CSMD1: variants seen among roughly 807,000 people sequenced by gnomAD.
The protein encoded by CSMD1 is CUB and sushi domain-containing protein 1.
A neutral mutation model predicts 417.5 loss-of-function variants in CSMD1; 213 were observed. The observed-to-expected ratio is 0.51, with a 90% confidence interval of 0.46 to 0.57. The LOEUF (loss-of-function observed/expected upper bound fraction) is 0.57, where lower values mean the gene tolerates loss of function less well. Among genes scored for constraint, CSMD1 ranks in the 20% least tolerant of loss-of-function variants. The pLI, the probability that CSMD1 is intolerant of heterozygous loss-of-function variation, is 0.00. For missense variants in CSMD1, 6,923 were observed against 4,529.7 expected, an observed-to-expected ratio of 1.53 and a Z score of -15.17; for synonymous variants, 2,862 against 1,736.8, an observed-to-expected ratio of 1.65 and a Z score of -16.11.
At chr8:3,527,730 G>C (rs1398989772) in intron 10 of CSMD1, among the ~76,000 whole-genome samples, 1 of 152,124 alleles carries the variant, frequency 6.6e-6, no homozygotes, top group Non-Finnish European at 1.5e-5. Flanking sequence ...GGAGGGGTGG[G>C]TGAAACGAAG....
intron 1 of CSMD1, among the ~76,000 whole-genome samples, chr8:4,675,069 G>A (rs907924663): frequency 2.0e-5 from 3 of 152,122 alleles, no homozygotes; most frequent in Non-Finnish European, 4.4e-5. Context: ...AGAACTGCGA[G>A]GAATAAATTC....
chr8:3,989,118 G>A (rs976240153), intron 5 of CSMD1, among the ~76,000 whole-genome samples: 1 of 152,292 alleles, frequency 6.6e-6, no homozygotes, highest in Non-Finnish European at 1.5e-5. Flanking sequence ...GCTAGTTATA[G>A]AAATTGCTAT....
chr8:4,592,187 T>A (rs546123003), intron 2 of CSMD1, among the ~76,000 whole-genome samples: 1 of 151,616 alleles, frequency 6.6e-6, no homozygotes, highest in South Asian at 2.1e-4. Context: ...CAGGGTAGAT[T>A]TCATGCTCCC....
intron 1 of CSMD1, among the ~76,000 whole-genome samples, chr8:4,837,913 A>C (rs1800597748): frequency 6.6e-6 from 1 of 152,070 alleles, no homozygotes; most frequent in African/African-American, 2.4e-5. Context: ...AAAAAAATAA[A>C]AATAAACTAA....
chr8:4,754,715 G>C (rs1007088453), intron 1 of CSMD1, among the ~76,000 whole-genome samples: 3 of 152,034 alleles, frequency 2.0e-5, no homozygotes, highest in Non-Finnish European at 4.4e-5. Flanking sequence ...CAAGCATGGT[G>C]GTGGGCGCCT....
intron 3 of CSMD1, among the ~76,000 whole-genome samples, chr8:4,324,381 T>TG (rs1480811736): frequency 6.6e-6 from 1 of 152,046 alleles, no homozygotes; most frequent in Non-Finnish European, 1.5e-5. Context: ...ACACCAGAGG[T>TG]GGGGCAGGAG....
At chr8:4,035,317 G>A (rs773406938) in intron 3 of CSMD1, among the ~76,000 whole-genome samples, 3 of 152,154 alleles carry the variant, frequency 2.0e-5, no homozygotes, top group Non-Finnish European at 4.4e-5. Context: ...GATGATAATA[G>A]TGAACAACTG....
chr8:4,913,713 G>A (rs1322257666), intron 1 of CSMD1, among the ~76,000 whole-genome samples: 1 of 152,108 alleles, frequency 6.6e-6, no homozygotes, highest in Non-Finnish European at 1.5e-5. Context: ...TTAATCTTAG[G>A]AAGAACCATT....
At chr8:3,133,709 C>T (rs895131093) in intron 41 of CSMD1, among the ~76,000 whole-genome samples, 1 of 152,076 alleles carries the variant, frequency 6.6e-6, no homozygotes, top group Non-Finnish European at 1.5e-5. Flanking sequence ...GGCAGGAGTG[C>T]CCAGCACCTC....
intron 10 of CSMD1, among the ~76,000 whole-genome samples, chr8:3,504,428 G>A (rs776907230): frequency 2.4e-4 from 36 of 152,134 alleles, no homozygotes; most frequent in Non-Finnish European, 4.7e-4. Context: ...AGAATGCAGT[G>A]CAAGCAAGGT....
intron 8 of CSMD1, among the ~76,000 whole-genome samples, chr8:3,587,276 C>T (rs778113096): frequency 6.6e-6 from 1 of 152,242 alleles, no homozygotes; most frequent in Non-Finnish European, 1.5e-5. Context: ...CAGGTTTGAA[C>T]ACCACCCAGT....
chr8:4,354,864 T>TAG (rs1801309406), intron 3 of CSMD1, among the ~76,000 whole-genome samples: 1 of 78,440 alleles, frequency 1.3e-5, no homozygotes, highest in African/African-American at 4.6e-5. Flanking sequence ...GAGGAAAATG[T>TAG]AGTGTGTGTG....
chr8:3,330,515 T>C (rs926419380), intron 23 of CSMD1, among the ~76,000 whole-genome samples: 4 of 152,186 alleles, frequency 2.6e-5, no homozygotes, highest in Admixed American at 6.5e-5. Flanking sequence ...AAATACCGCG[T>C]GATCTCACTT....
At chr8:4,514,378 T>G (rs1455148024) in intron 2 of CSMD1, among the ~76,000 whole-genome samples, 1 of 152,136 alleles carries the variant, frequency 6.6e-6, no homozygotes, top group South Asian at 2.1e-4. Flanking sequence ...ACCTGAATTT[T>G]AGGGGGACAC....
intron 5 of CSMD1, among the ~76,000 whole-genome samples, chr8:3,899,435 G>C (rs28715815): frequency 0.016 from 2,480 of 152,308 alleles, 72 homozygotes; most frequent in African/African-American, 0.055. Context: ...CACAGGGATT[G>C]TACGTGGGGA....
intron 1 of CSMD1, among the ~76,000 whole-genome samples, chr8:4,763,644 A>C (rs1812264301): frequency 6.6e-6 from 1 of 152,216 alleles, no homozygotes; most frequent in African/African-American, 2.4e-5. Flanking sequence ...TTAATGGATT[A>C]AATGGTCACT....
intron 8 of CSMD1, among the ~76,000 whole-genome samples, chr8:3,590,174 A>T (rs1800785986): frequency 6.6e-6 from 1 of 152,172 alleles, no homozygotes; most frequent in African/African-American, 2.4e-5. Flanking sequence ...AATAACTATG[A>T]TCTATCTATA....
At chr8:3,642,236 C>A in intron 7 of CSMD1, among the ~76,000 whole-genome samples, 1 of 151,230 alleles carries the variant, frequency 6.6e-6, no homozygotes. Flanking sequence ...TGGTGAAACC[C>A]CCAAGAAGTC....
chr8:3,881,958 T>C (rs994147000), intron 5 of CSMD1, among the ~76,000 whole-genome samples: 2 of 152,180 alleles, frequency 1.3e-5, no homozygotes, highest in African/African-American at 4.8e-5. Flanking sequence ...GATCTGAACT[T>C]GAAAGATGAA....
Sources: allele counts gnomAD v4.1 joint callset (sites outside exome capture counted in the v4.1 genomes callset), GRCh38; gene constraint gnomAD v4.1.1; transcripts MANE v1.5; gene names NCBI Gene and HGNC (gene_info 2026-07-23, HGNC 2026-07-21).